The following PTPRQ variants were observed in gnomAD, a reference collection of about 807,000 sequenced individuals.
The protein encoded by PTPRQ is protein tyrosine phosphatase receptor type Q, also known as phosphatidylinositol phosphatase PTPRQ.
PTPRQ carries 199 observed loss-of-function variants against 246.0 expected under a neutral mutation model. That is an observed-to-expected ratio of 0.81 (90% CI 0.72 to 0.91). PTPRQ has a LOEUF of 0.91. Among genes scored for constraint, PTPRQ ranks in the 40% least tolerant of loss-of-function variants. The pLI is 0.00. For missense variants in PTPRQ, 2,624 were observed against 2,528.4 expected, an observed-to-expected ratio of 1.04 and a Z score of -0.81; for synonymous variants, 869 against 853.2, an observed-to-expected ratio of 1.02 and a Z score of -0.32.
chr12:80,515,300 G>A (rs575548491), intron 17 of PTPRQ, among the ~76,000 whole-genome samples: 41 of 152,226 alleles, frequency 2.7e-4, no homozygotes, highest in African/African-American at 9.6e-4. Context: ...ATAAATGGTA[G>A]CTATCATTGT....
intron 35 of PTPRQ, among the ~76,000 whole-genome samples, chr12:80,647,005 T>G (rs1429039726): frequency 6.6e-6 from 1 of 152,206 alleles, no homozygotes; most frequent in Non-Finnish European, 1.5e-5. Flanking sequence ...TTAATGTCTC[T>G]TAGGGATTTC....
intron 26 of PTPRQ, among the ~76,000 whole-genome samples, chr12:80,603,892 T>C (rs1485440171): frequency 2.0e-5 from 3 of 151,656 alleles, no homozygotes; most frequent in Admixed American, 6.6e-5. Flanking sequence ...CTTATCTTTA[T>C]CTTTTATGAT....
At chr12:80,577,911 C>A (rs1257052111) in intron 25 of PTPRQ, among the ~76,000 whole-genome samples, 1 of 152,234 alleles carries the variant, frequency 6.6e-6, no homozygotes, top group Admixed American at 6.5e-5. Flanking sequence ...TCCAAAATTT[C>A]TCTGGATTAA....
In PTPRQ at chr12:80,566,147, A is replaced by G. The variant is rs140989443; in HGVS notation, c.4285+16413A>G. 6.7e-3 allele frequency among the ~76,000 whole-genome samples: 1,020 copies of G among 152,336 alleles called. 12 individuals are homozygous for G. Among genetic ancestry groups the G allele is most frequent in the African/African-American group, 0.023 (970 of 41,570 alleles). On this transcript the variant is annotated intron_variant, in intron 25 of 44. Coordinates refer to ENST00000644991, the MANE Select transcript of PTPRQ (RefSeq NM_001145026.2). ...TAAATATTATTCCATATGAATTGCAATAATGAAATCTATACTTATTAAAAG... is the reference window on the plus strand; with the variant it reads ...TAAATATTATTCCATATGAATTGCAGTAATGAAATCTATACTTATTAAAAG...
intron 33 of PTPRQ, among the ~76,000 whole-genome samples, chr12:80,624,902 A>C (rs948927790): frequency 2.0e-5 from 3 of 152,206 alleles, no homozygotes; most frequent in African/African-American, 7.2e-5. Flanking sequence ...GAACCAAAAA[A>C]AATTGTAAAA....
chr12:80,641,977 TCTTG>T (rs201419060), intron 35 of PTPRQ, among the ~76,000 whole-genome samples: 1 of 151,442 alleles, frequency 6.6e-6, no homozygotes, highest in Non-Finnish European at 1.5e-5. Flanking sequence ...TTCTTTCTTT[TCTTG>T]CTTGCTTGCT....
At chr12:80,469,789 T>C (rs1893566568) in intron 7 of PTPRQ, among the ~76,000 whole-genome samples, 1 of 152,216 alleles carries the variant, frequency 6.6e-6, no homozygotes. Flanking sequence ...CACAGCTACA[T>C]CTTTTCTGTC....
At chr12:80,488,427 T>G (rs1020531027) in intron 9 of PTPRQ, among the ~76,000 whole-genome samples, 8 of 152,186 alleles carry the variant, frequency 5.3e-5, no homozygotes, top group Middle Eastern at 3.4e-3. Context: ...CTAATAAGAA[T>G]TGAGAACAGA....
At chr12:80,671,634 T>A (rs1360592473) in intron 42 of PTPRQ, among the ~76,000 whole-genome samples, 1 of 152,156 alleles carries the variant, frequency 6.6e-6, no homozygotes, top group Non-Finnish European at 1.5e-5. Context: ...TCACCTTGAC[T>A]TTAGACTTCT....
chr12:80,614,514 T>C (rs1258763150), intron 29 of PTPRQ, among the ~76,000 whole-genome samples: 2 of 150,928 alleles, frequency 1.3e-5, no homozygotes, highest in African/African-American at 4.8e-5. Context: ...TTAATATCAA[T>C]GTAATTATCA....
At chr12:80,593,870 T>C (rs1289831956) in intron 26 of PTPRQ, among the ~76,000 whole-genome samples, 1 of 151,916 alleles carries the variant, frequency 6.6e-6, no homozygotes, top group Admixed American at 6.6e-5. Context: ...GAAATTAGTA[T>C]GAAATGGAAT....
intron 25 of PTPRQ, among the ~76,000 whole-genome samples, chr12:80,560,738 A>G (rs1365227130): frequency 1.3e-5 from 2 of 152,254 alleles, no homozygotes; most frequent in Admixed American, 6.5e-5. Context: ...CACAGAAGTC[A>G]TATTTTGCTA....
chr12:80,509,947 C>G (rs970029419), intron 16 of PTPRQ, among the ~76,000 whole-genome samples: 17 of 152,026 alleles, frequency 1.1e-4, no homozygotes, highest in Admixed American at 5.9e-4. Flanking sequence ...TTTCCCACCT[C>G]TTTTTTATTG....
intron 39 of PTPRQ, among the ~76,000 whole-genome samples, chr12:80,665,241 C>A (rs886761357): frequency 1.3e-5 from 2 of 151,990 alleles, no homozygotes; most frequent in Admixed American, 6.6e-5. Flanking sequence ...TTTCCCAGTC[C>A]ACTGACTCAA....
At chr12:80,621,972 TA>T (rs1174232671) in intron 32 of PTPRQ, 88 bp from the exon 33 acceptor site, 2 of 922,516 alleles carry the variant, frequency 2.2e-6, no homozygotes, top group African/African-American at 3.5e-5. Flanking sequence ...TTGAATTAAA[TA>T]AATAGTTTTT....
chr12:80,536,536 C>A (rs1299089228), intron 19 of PTPRQ, among the ~76,000 whole-genome samples: 1 of 152,124 alleles, frequency 6.6e-6, no homozygotes, highest in Non-Finnish European at 1.5e-5. Context: ...AAAGAGAAAA[C>A]TACTTTATAA....
chr12:80,478,511 T>C (rs554594548), intron 8 of PTPRQ, among the ~76,000 whole-genome samples: 2 of 152,080 alleles, frequency 1.3e-5, no homozygotes, highest in African/African-American at 2.4e-5. Context: ...TCACCAGCAA[T>C]GGAACAAAGC....
intron 6 of PTPRQ, among the ~76,000 whole-genome samples, chr12:80,466,454 G>A (rs1485117078): frequency 6.6e-6 from 1 of 152,182 alleles, no homozygotes; most frequent in Non-Finnish European, 1.5e-5. Flanking sequence ...TAGATTCTAT[G>A]CCATCCCCAT....
intron 8 of PTPRQ, among the ~76,000 whole-genome samples, chr12:80,483,453 C>G (rs1894150296): frequency 6.7e-6 from 1 of 149,456 alleles, no homozygotes; most frequent in South Asian, 2.1e-4. Flanking sequence ...GTGCAGCGCA[C>G]CAGCGTGGCA....
Sources: allele counts gnomAD v4.1 joint callset (sites outside exome capture counted in the v4.1 genomes callset), GRCh38; gene constraint gnomAD v4.1.1; transcripts MANE v1.5; gene names NCBI Gene and HGNC (gene_info 2026-07-23, HGNC 2026-07-21).